POU6F2: variants seen among roughly 807,000 people sequenced by gnomAD.
POU6F2 encodes the protein POU class 6 homeobox 2, also known as POU domain, class 6, transcription factor 2.
Under a neutral mutation model 71.3 loss-of-function variants are expected in POU6F2, and 31 were observed. The observed-to-expected ratio is 0.43, with a 90% confidence interval of 0.33 to 0.59. The LOEUF (loss-of-function observed/expected upper bound fraction) is 0.59, where lower values mean the gene tolerates loss of function less well. Among genes scored for constraint, POU6F2 ranks in the 20% least tolerant of loss-of-function variants. The pLI is 0.04. For missense variants in POU6F2, 783 were observed against 856.8 expected, an observed-to-expected ratio of 0.91 and a Z score of 1.07; for synonymous variants, 347 against 355.7, an observed-to-expected ratio of 0.98 and a Z score of 0.27.
At chr7:39,225,438 T>C (rs1794444023) in intron 4 of POU6F2, among the ~76,000 whole-genome samples, 1 of 152,232 alleles carries the variant, frequency 6.6e-6, no homozygotes, top group African/African-American at 2.4e-5. Context: ...TTACCTTTTC[T>C]AACTGAATAT....
chr7:39,051,520 GCTTTTCACATATACTCTACAGA>G (rs1226470787), intron 1 of POU6F2, among the ~76,000 whole-genome samples: 20 of 152,208 alleles, frequency 1.3e-4, no homozygotes, highest in African/African-American at 4.3e-4. Context: ...CCCTACTTAA[GCTTTTCACATATACTCTACAGA>G]AACATTAATC....
At chr7:39,201,121 T>A (rs1302199517) in intron 2 of POU6F2, among the ~76,000 whole-genome samples, 1 of 152,180 alleles carries the variant, frequency 6.6e-6, no homozygotes. Flanking sequence ...TTCATGAAAG[T>A]TACATACATA....
intron 7 of POU6F2, among the ~76,000 whole-genome samples, chr7:39,449,698 A>AAACACCC (rs1215377129): frequency 6.6e-6 from 1 of 152,200 alleles, no homozygotes; most frequent in Non-Finnish European, 1.5e-5. Flanking sequence ...GAAACAACCC[A>AAACACCC]AACACCCACC....
intron 4 of POU6F2, among the ~76,000 whole-genome samples, chr7:39,256,231 A>G (rs1409857261): frequency 6.6e-6 from 1 of 151,860 alleles, no homozygotes; most frequent in Non-Finnish European, 1.5e-5. Flanking sequence ...TTCATAAAGC[A>G]TGTGACCTTG....
In POU6F2 at chr7:39,465,493, T is replaced by A. The variant is rs911278290; in HGVS notation, c.*807T>A. The stretch of plus-strand genomic sequence containing the variant: ...CATCCTGGATCGTGTGCCAAAGCAT[T>A]TGTTGCTTTTTTCTCACTATGACTT... On this transcript the variant is annotated 3_prime_UTR_variant, in exon 10 of 10. Coordinates refer to ENST00000518318, the MANE Select transcript of POU6F2 (RefSeq NM_001370959.1). 2 of 152,172 alleles carry A rather than the reference T, an allele frequency of 1.3e-5. No homozygotes were observed. The highest frequency in any genetic ancestry group is 4.8e-5 in the African/African-American group (2 of 41,424). The allele number at this position is 152,172 out of a possible 1,614,324, so 9.4% of individuals were successfully genotyped here.
At chr7:39,456,825 G>A (rs552911235) in intron 8 of POU6F2, among the ~76,000 whole-genome samples, 2 of 152,230 alleles carry the variant, frequency 1.3e-5, no homozygotes, top group South Asian at 2.1e-4. Flanking sequence ...ATTTTATCAC[G>A]GAGCTAAGTA....
At chr7:39,402,227 C>T (rs1056964730) in intron 5 of POU6F2, among the ~76,000 whole-genome samples, 3 of 152,062 alleles carry the variant, frequency 2.0e-5, no homozygotes, top group African/African-American at 7.2e-5. Context: ...TAAGGGTGCT[C>T]CCTAGGGAGA....
chr7:39,012,803 C>T (rs1170374750), intron 1 of POU6F2, among the ~76,000 whole-genome samples: 8 of 151,104 alleles, frequency 5.3e-5, no homozygotes, highest in Non-Finnish European at 1.0e-4. Context: ...GTCAGTGTGC[C>T]CCTGCTGGGG....
intron 4 of POU6F2, among the ~76,000 whole-genome samples, chr7:39,319,024 A>AG (rs1210920976): frequency 6.6e-6 from 1 of 152,168 alleles, no homozygotes; most frequent in Non-Finnish European, 1.5e-5. Flanking sequence ...TGCAGGTACT[A>AG]GAGGAGCTGA....
Position 39,460,603 on chromosome 7 carries a change from T to C in POU6F2, c.1546T>C (p.Phe516Leu). ...DGVNLEEIREFAKAFKIRRLS... is the reference protein window; with the variant it reads ...DGVNLEEIRELAKAFKIRRLS... ...GGTTAATCTGGAGGAGATCCGAGAA[T>C]TTGCCAAAGCTTTTAAAATCCGGCG... is the stretch of plus-strand genomic sequence containing the variant. Residue 516 changes from phenylalanine to leucine, a missense_variant, in exon 9 of 10, where the codon TTT becomes CTT. Physicochemically the swap from Phe to Leu is conservative, Grantham distance 22. This residue lies in a region of POU6F2 where 211 missense variants were observed against 283.9 expected (regional missense o/e 0.74). Transcript: ENST00000518318. The surrounding 1 kb of genome is among the most constrained non-coding windows in gnomAD (Gnocchi z 4.4). 1 of 1,613,164 alleles carries C rather than the reference T, an allele frequency of 6.2e-7. No homozygotes were observed. The highest frequency in any genetic ancestry group is 1.1e-5 in the South Asian group (1 of 90,740).
Position 39,080,851 on chromosome 7 carries a change from A to G in POU6F2, c.106-5009A>G, listed in dbSNP as rs574435277. On this transcript the variant is annotated intron_variant, in intron 1 of 9. Transcript: ENST00000518318. ...CGCTATCTTTAGTTTCTCCGACTATAAAATGAGAATGAATATGCTTATCAA... is the reference window on the plus strand; with the variant it reads ...CGCTATCTTTAGTTTCTCCGACTATGAAATGAGAATGAATATGCTTATCAA... 7.9e-5 allele frequency among the ~76,000 whole-genome samples: 12 copies of G among 152,348 alleles called. No homozygotes were observed. The South Asian group carries it at 1.0e-3, about 13-fold the overall frequency.
chr7:39,240,202 C>T (rs1245135653), intron 4 of POU6F2, among the ~76,000 whole-genome samples: 1 of 152,104 alleles, frequency 6.6e-6, no homozygotes, highest in African/African-American at 2.4e-5. Flanking sequence ...ATTAAGGTGG[C>T]CATGTGCAAG....
At chr7:39,259,802 G>GC (rs1405486727) in intron 4 of POU6F2, among the ~76,000 whole-genome samples, 1 of 152,036 alleles carries the variant, frequency 6.6e-6, no homozygotes, top group East Asian at 1.9e-4. Context: ...GCTCCCCACA[G>GC]CCCATGAGCC....
At chr7:39,263,538 A>G (rs979374343) in intron 4 of POU6F2, among the ~76,000 whole-genome samples, 2 of 152,202 alleles carry the variant, frequency 1.3e-5, no homozygotes, top group African/African-American at 4.8e-5. Flanking sequence ...TATCTTTTGG[A>G]TACAATGTTC....
chr7:39,402,104 T>C (rs895689931), intron 5 of POU6F2, among the ~76,000 whole-genome samples: 9 of 152,236 alleles, frequency 5.9e-5, no homozygotes, highest in African/African-American at 2.2e-4. Context: ...CTGAATTCTT[T>C]TCAGGATACA....
At chr7:39,022,186 T>C (rs773647135) in intron 1 of POU6F2, among the ~76,000 whole-genome samples, 5 of 152,130 alleles carry the variant, frequency 3.3e-5, no homozygotes, top group Non-Finnish European at 5.9e-5. Context: ...TTCTGCATTC[T>C]TCTCTCTGGC....
At chr7:39,271,001 C>G (rs1488501008) in intron 4 of POU6F2, among the ~76,000 whole-genome samples, 13 of 152,152 alleles carry the variant, frequency 8.5e-5, no homozygotes, top group Admixed American at 8.5e-4. Flanking sequence ...ACACACCCCA[C>G]AGAACACAGA....
chr7:39,344,284 T>C lies in POU6F2; in HGVS notation c.972+4269T>C, dbSNP rs368231735. ...ATGAGGAATGAGGGGCACGGTCACC[T>C]CCTCGGAGGTGAAGTTGCTTGAGAG... On this transcript the variant is annotated intron_variant, in intron 5 of 9. Transcript: ENST00000518318. Among the ~76,000 whole-genome samples, 46 of 152,256 alleles carry C rather than the reference T, an allele frequency of 3.0e-4. No individual in the cohort carries two copies. In the South Asian group the frequency reaches 7.9e-3, roughly 26 times the overall value.
In POU6F2 at chr7:39,464,688, G is replaced by A; in HGVS notation, c.*2G>A. ...GACTCTCTGGAAGAAAACTCCTAAA[G>A]AGATGCCCACCCATAATCAGAAGCA... On this transcript the variant is annotated 3_prime_UTR_variant, in exon 10 of 10. Coordinates refer to ENST00000518318, the MANE Select transcript of POU6F2 (RefSeq NM_001370959.1). The surrounding 1 kb of genome is among the most constrained non-coding windows in gnomAD (Gnocchi z 4.1). 3 of 1,594,626 alleles carry A rather than the reference G, an allele frequency of 1.9e-6. No homozygotes were observed. Among genetic ancestry groups the A allele is most frequent in the Non-Finnish European group, 2.6e-6 (3 of 1,171,578 alleles).
Sources: allele counts gnomAD v4.1 joint callset (sites outside exome capture counted in the v4.1 genomes callset), GRCh38; gene constraint gnomAD v4.1.1; regional missense constraint gnomAD v4.1.1; non-coding constraint Gnocchi (gnomAD v3.1); transcripts MANE v1.5; gene names NCBI Gene and HGNC (gene_info 2026-07-23, HGNC 2026-07-21).